KSR2: variants seen among roughly 807,000 people sequenced by gnomAD.
KSR2 encodes the protein kinase suppressor of ras 2.
In KSR2, 25 loss-of-function variants were observed where a neutral mutation model predicts 107.8. The observed-to-expected ratio is 0.23, with a 90% CI of 0.17 to 0.32. The LOEUF (loss-of-function observed/expected upper bound fraction) is 0.32. KSR2 is among the 10% of genes least tolerant of loss of function. KSR2 has a pLI of 1.00. For missense variants in KSR2, 887 were observed against 1,268.9 expected, an observed-to-expected ratio of 0.70 and a Z score of 4.57; for synonymous variants, 480 against 507.0, an observed-to-expected ratio of 0.95 and a Z score of 0.71.
At chr12:117,916,197 C>T (rs1408920378) in intron 1 of KSR2, among the ~76,000 whole-genome samples, 7 of 136,836 alleles carry the variant, frequency 5.1e-5, no homozygotes, top group African/African-American at 8.5e-5. Flanking sequence ...AGTACATTGG[C>T]GCGATCTCAG....
intron 3 of KSR2, among the ~76,000 whole-genome samples, chr12:117,830,304 G>T (rs1165386655): frequency 6.6e-6 from 1 of 151,788 alleles, no homozygotes; most frequent in Non-Finnish European, 1.5e-5. Flanking sequence ...CTAAACATTG[G>T]GTATACATGG....
rs1233995323 is a variant in KSR2, at chr12:117,464,090, A to C, written c.*3109T>G. On this transcript the variant is annotated 3_prime_UTR_variant, in exon 20 of 20. Coordinates refer to ENST00000339824, the MANE Select transcript of KSR2 (RefSeq NM_173598.6). ...TTCCAGCTTGGCTCTGGGGATGGGG[A>C]CACAAGGGGCACGTCCTCCCACAGG... 1 of 152,156 alleles carries C rather than the reference A, an allele frequency of 6.6e-6. No individual in the cohort carries two copies. Among genetic ancestry groups the C allele is most frequent in the Non-Finnish European group, 1.5e-5 (1 of 68,036 alleles). The allele number at this position is 152,156 out of a possible 1,614,324, so 9.4% of individuals were successfully genotyped here.
chr12:117,950,163 G>A (rs911345955), intron 1 of KSR2, among the ~76,000 whole-genome samples: 2 of 151,842 alleles, frequency 1.3e-5, no homozygotes, highest in South Asian at 2.1e-4. Context: ...TAGGAGAGGC[G>A]GGGTTTTACC....
rs374016911 is a variant in KSR2, at chr12:117,487,924, A to G, written c.2220-2233T>C. ...AAATATACATACAAATAACCCTGATATGGTTTGGCTGTGTCCCCACCCAAA... is the reference window on the plus strand; with the variant it reads ...AAATATACATACAAATAACCCTGATGTGGTTTGGCTGTGTCCCCACCCAAA... On this transcript the variant is annotated intron_variant, in intron 14 of 19. Coordinates refer to ENST00000339824, the MANE Select transcript of KSR2 (RefSeq NM_173598.6). Among the ~76,000 whole-genome samples the G allele has an allele frequency of 5.9e-5, 9 of 152,254 alleles. No homozygotes were observed. In the South Asian group the frequency reaches 8.3e-4, roughly 14 times the overall value.
At chr12:117,593,037 G>A (rs1410095939) in intron 5 of KSR2, among the ~76,000 whole-genome samples, 1 of 152,146 alleles carries the variant, frequency 6.6e-6, no homozygotes, top group African/African-American at 2.4e-5. Flanking sequence ...CTGGAAAGAG[G>A]AGGGGAACAT....
chr12:117,523,213 G>A (rs903741327), intron 14 of KSR2, among the ~76,000 whole-genome samples: 1 of 152,184 alleles, frequency 6.6e-6, no homozygotes, highest in African/African-American at 2.4e-5. Flanking sequence ...GACTTAAGAA[G>A]GTTTTGTCTC....
intron 7 of KSR2, among the ~76,000 whole-genome samples, chr12:117,565,626 T>G (rs1309237872): frequency 2.6e-5 from 4 of 152,160 alleles, no homozygotes; most frequent in Non-Finnish European, 5.9e-5. Context: ...ATAATAATTA[T>G]TTCCCTTTAC....
At chr12:117,881,309 G>C (rs1894020523) in intron 1 of KSR2, among the ~76,000 whole-genome samples, 1 of 152,190 alleles carries the variant, frequency 6.6e-6, no homozygotes, top group Admixed American at 6.5e-5. Context: ...TGGTTTGTTT[G>C]AGGGTACAGA....
At chr12:117,526,096 C>A (rs1297097893) in intron 13 of KSR2, among the ~76,000 whole-genome samples, 1 of 152,206 alleles carries the variant, frequency 6.6e-6, no homozygotes, top group Non-Finnish European at 1.5e-5. Flanking sequence ...TAAACACCGA[C>A]TGGGAGGCCC....
intron 1 of KSR2, among the ~76,000 whole-genome samples, chr12:117,891,427 A>AG (rs1434146287): frequency 5.3e-5 from 8 of 150,720 alleles, no homozygotes; most frequent in Non-Finnish European, 1.2e-4. Flanking sequence ...AAAAAAAAAA[A>AG]AGAAAGAAAA....
At chr12:117,936,091 C>G (rs1192477615) in intron 1 of KSR2, among the ~76,000 whole-genome samples, 1 of 151,822 alleles carries the variant, frequency 6.6e-6, no homozygotes, top group African/African-American at 2.4e-5. Flanking sequence ...GGCTGGAGTA[C>G]AGTGGTGTGA....
At chr12:117,925,731 A>G (rs546851186) in intron 1 of KSR2, among the ~76,000 whole-genome samples, 1 of 152,334 alleles carries the variant, frequency 6.6e-6, no homozygotes, top group South Asian at 2.1e-4. Context: ...TTACAGATGG[A>G]AAAAACTGAG....
intron 5 of KSR2, among the ~76,000 whole-genome samples, chr12:117,606,647 TCTTCCTTCCCTCCTCCTTC>T (rs1881292212): frequency 1.0e-5 from 1 of 96,466 alleles, no homozygotes; most frequent in Non-Finnish European, 2.0e-5. Context: ...TTCTTTCCCT[TCTTCCTTCCCTCCTCCTTC>T]CCTTCCTCCC....
chr12:117,668,474 G>A (rs543188104), intron 4 of KSR2, among the ~76,000 whole-genome samples: 62 of 152,290 alleles, frequency 4.1e-4, no homozygotes, highest in African/African-American at 1.5e-3. Context: ...ATATAGACAA[G>A]GGACCCTGGG....
chr12:117,925,788 T>A (rs1190633306), intron 1 of KSR2, among the ~76,000 whole-genome samples: 2 of 152,166 alleles, frequency 1.3e-5, no homozygotes, highest in Non-Finnish European at 2.9e-5. Context: ...GCAAATCAGA[T>A]TTGAACCCAG....
chr12:117,834,329 CAAACA>C (rs1406232169), intron 3 of KSR2, among the ~76,000 whole-genome samples: 5 of 150,518 alleles, frequency 3.3e-5, no homozygotes, highest in African/African-American at 1.2e-4. Context: ...TTCCAAAATC[CAAACA>C]AAACAAGTAC....
chr12:117,540,239 C>T (rs1876387372), intron 9 of KSR2, among the ~76,000 whole-genome samples: 1 of 152,132 alleles, frequency 6.6e-6, no homozygotes. Flanking sequence ...ATCCCAACAC[C>T]TCTCCTCCCA....
At chr12:117,877,862 T>A (rs1893909229) in intron 1 of KSR2, among the ~76,000 whole-genome samples, 1 of 152,188 alleles carries the variant, frequency 6.6e-6, no homozygotes, top group Non-Finnish European at 1.5e-5. Context: ...CAGGCACTCC[T>A]GGGGACAGGG....
intron 14 of KSR2, among the ~76,000 whole-genome samples, chr12:117,497,895 C>T (rs751535586): frequency 6.6e-6 from 1 of 152,142 alleles, no homozygotes; most frequent in East Asian, 1.9e-4. Context: ...TGCACAAGTG[C>T]GTGTGATTTT....
Sources: gnomAD v4.1 joint callset for allele counts (sites outside exome capture counted in the v4.1 genomes callset) on GRCh38, gnomAD v4.1.1 for gene constraint, MANE v1.5 for transcripts, NCBI Gene and HGNC (gene_info 2026-07-23, HGNC 2026-07-21) for gene names.